Variants in SNX22 observed in about 807,000 individuals in gnomAD.
SNX22 encodes sorting nexin-22.
Under a neutral mutation model 24.7 loss-of-function variants are expected in SNX22, and 23 were observed. That is an observed-to-expected ratio of 0.93 (90% CI 0.67 to 1.32). The LOEUF is 1.32. Among genes scored for constraint, SNX22 ranks in the 40% most tolerant of loss-of-function variants. The pLI is 0.00. For synonymous variants in SNX22, 99 were observed against 104.0 expected (o/e 0.95, Z 0.29); for missense variants, 261 against 249.9 (o/e 1.04, Z -0.30).
chr15:64,153,111 G>A, intron 3 of SNX22, 134 bp from the exon 4 acceptor site: 1 of 1,126,098 alleles, frequency 8.9e-7, no homozygotes, highest in Non-Finnish European at 1.3e-6. Context: ...GAAGGGCCCT[G>A]AGCCTGGTTC....
chr15:64,154,571 T>C lies in SNX22; in HGVS notation c.*63T>C, dbSNP rs994083433. ...ATGTGCCTCTGTCCTATGAACTCCA[T>C]ATAAGGCTGGGTCCTCCTTTGGCCT... On this transcript the variant is annotated 3_prime_UTR_variant, in exon 7 of 7. Coordinates refer to ENST00000325881, the MANE Select transcript of SNX22 (RefSeq NM_024798.3). 1.3e-6 allele frequency: 2 copies of C among 1,585,990 alleles called. No homozygotes were observed.
chr15:64,153,542 T>G (rs2081502605), intron 4 of SNX22, 110 bp from the exon 5 acceptor site: 1 of 1,531,058 alleles, frequency 6.5e-7, no homozygotes, highest in Non-Finnish European at 9.0e-7. Context: ...TTGTTACAAA[T>G]AGAAGCAGTG....
intron 6 of SNX22, 61 bp downstream of exon 6, chr15:64,154,063 T>C: frequency 6.2e-7 from 1 of 1,613,858 alleles, no homozygotes; most frequent in Middle Eastern, 1.6e-4. Flanking sequence ...ATTTCTCGGC[T>C]CCTGGGACCC....
Position 64,155,510 on chromosome 15 carries a change from CAAAAAAAA to C in SNX22, c.*1019_*1026del, listed in dbSNP as rs3056904. ...GCAACATAGTGAGACCTGTCTCTAC[CAAAAAAAA>C]AAAAAAAAAAAAAAAATCAATTTAG... On this transcript the variant is annotated 3_prime_UTR_variant, in exon 7 of 7. Transcript: ENST00000325881. 0.59 allele frequency: 74,693 copies of C among 125,590 alleles called. 22,890 individuals carry two copies. The highest frequency in any genetic ancestry group is 0.79 in the East Asian group (3,904 of 4,952). The allele number at this position is 125,590 out of a possible 1,614,324, so 7.8% of individuals were successfully genotyped here.
rs1003047603 is a variant in SNX22, at chr15:64,151,814, C to G, written c.39C>G (p.Ala13=). The change falls in exon 1 of 7, where the codon GCC becomes GCG. Residue 13 remains alanine, a synonymous_variant. Transcript: ENST00000325881. The part of the protein sequence containing the change: ...EVHIPSVGPE[A]EGPRQSPEKS... ...ACATCCCGTCGGTGGGGCCCGAGGC[C>G]GAGGGGCCCAGGCAGAGCCCGGAGA... The G allele has an allele frequency of 5.9e-6, 9 of 1,537,940 alleles. No individual in the cohort carries two copies. Among genetic ancestry groups the G allele is most frequent in the Non-Finnish European group, 7.9e-6 (9 of 1,144,102 alleles).
intron 6 of SNX22, 132 bp downstream of exon 6, chr15:64,154,134 C>G (rs2140177899): frequency 6.3e-7 from 1 of 1,599,108 alleles, no homozygotes; most frequent in East Asian, 2.3e-5. Context: ...CTCCTGTCCC[C>G]TGGAGCCTGC....
chr15:64,152,067 T>A (rs1427693363), intron 1 of SNX22, 176 bp from the exon 2 acceptor site: 1 of 771,766 alleles, frequency 1.3e-6, no homozygotes, highest in South Asian at 2.2e-5. Context: ...GAGGGGCAGG[T>A]CCGCCAGCCG....
At chr15:64,152,448 C>T in intron 2 of SNX22, 122 bp downstream of exon 2, 2 of 1,267,758 alleles carry the variant, frequency 1.6e-6, no homozygotes, top group Non-Finnish European at 2.2e-6. Context: ...TCAGTCCCTG[C>T]GCAGCCGGTC....
chr15:64,154,680 G>C lies in SNX22; in HGVS notation c.*172G>C. 1 of 812,084 alleles carries C rather than the reference G, an allele frequency of 1.2e-6. No homozygotes were observed. Among genetic ancestry groups the C allele is most frequent in the Non-Finnish European group, 1.9e-6 (1 of 522,558 alleles). The allele number at this position is 812,084 out of a possible 1,614,324, so 50.3% of individuals were successfully genotyped here. A position where few individuals can be genotyped will look rare whatever the true frequency, so the allele number is the denominator to read the frequency against. ...AACTTGGCTCGCATTGGTAGCTGGA[G>C]GTGGTAGAATTTGTATGCTCTTAGA... On this transcript the variant is annotated 3_prime_UTR_variant, in exon 7 of 7. Coordinates refer to ENST00000325881, the MANE Select transcript of SNX22 (RefSeq NM_024798.3).
rs1213998417 is a variant in SNX22 at position 64,157,252 on chromosome 15, G to A, written c.*2744G>A. 2.2e-5 allele frequency: 8 copies of A among 359,910 alleles called. No homozygotes were observed. Among genetic ancestry groups the A allele is most frequent in the East Asian group, 6.2e-5 (1 of 16,090 alleles). The allele number at this position is 359,910 out of a possible 1,614,324, so 22.3% of individuals were successfully genotyped here. A position where few individuals can be genotyped will look rare whatever the true frequency, so the allele number is the denominator to read the frequency against. On this transcript the variant is annotated 3_prime_UTR_variant, in exon 7 of 7. Transcript: ENST00000325881. The surrounding 1 kb of genome is among the most constrained non-coding windows in gnomAD (Gnocchi z 4.2). The stretch of plus-strand genomic sequence containing the variant: ...AGGGACTTTGGTGGAGGGAAGTGCC[G>A]TGCAGGATGCAGGGGAGTCAACAGG...
Position 64,156,560 on chromosome 15 carries a change from T to C in SNX22, c.*2052T>C. The C allele has an allele frequency of 1.1e-6, 1 of 891,262 alleles. No homozygotes were observed. The highest frequency in any genetic ancestry group is 1.8e-5 in the Admixed American group (1 of 55,778). 55.2% of individuals were successfully genotyped at this position (891,262 alleles called of 1,614,324 possible). A position where few individuals can be genotyped will look rare whatever the true frequency, so the allele number is the denominator to read the frequency against. On this transcript the variant is annotated 3_prime_UTR_variant, in exon 7 of 7. Transcript: ENST00000325881. The surrounding 1 kb of genome is among the most constrained non-coding windows in gnomAD (Gnocchi z 6.4). ...AGGGGGCTGGAAGAATTTAGAACCT[T>C]GGAGGCATGGAGGTACAGGGTTTAT...
In SNX22 at chr15:64,156,273, G is replaced by A. The variant is rs1050842237; in HGVS notation, c.*1765G>A. On this transcript the variant is annotated 3_prime_UTR_variant, in exon 7 of 7. Transcript: ENST00000325881. The surrounding 1 kb of genome is among the most constrained non-coding windows in gnomAD (Gnocchi z 6.4). ...TGATCAACAGCACACAAAACTGGAGGCACCAAAATTCTAACAGACTCCTGG... is the reference window on the plus strand; with the variant it reads ...TGATCAACAGCACACAAAACTGGAGACACCAAAATTCTAACAGACTCCTGG... 4.2e-5 allele frequency: 52 copies of A among 1,239,170 alleles called. No homozygotes were observed. In the Admixed American group the frequency reaches 9.9e-4, roughly 23 times the overall value. The allele number at this position is 1,239,170 out of a possible 1,614,324, so 76.8% of individuals were successfully genotyped here. A position where few individuals can be genotyped will look rare whatever the true frequency, so the allele number is the denominator to read the frequency against.
chr15:64,157,476 A>AGT (rs1163323813), exon 7 of SNX22: 2 of 160,452 alleles, frequency 1.2e-5, no homozygotes, highest in Non-Finnish European at 2.8e-5. This position sits in a 1 kb window ranked among gnomAD's most constrained non-coding sequence, Gnocchi z 4.2. Context: ...GACAGCTGTG[A>AGT]GTGTGTGTGA....
At position 64,153,971 on chromosome 15, in the gene SNX22, T is replaced by C. The variant is rs1009148150; in HGVS notation, c.429T>C (p.His143=). The change falls in exon 6 of 7, where the codon CAT becomes CAC. Residue 143 remains histidine (H), a synonymous_variant. Transcript: ENST00000325881. The part of the protein sequence containing the change: ...QQHQRPVLSF[H]VDPYVCNPSP... ...ACCAGCGGCCTGTCCTGAGCTTCCA[T>C]GTGGATCCCTATGTTTGCAACCCCT... The C allele has an allele frequency of 2.5e-6, 4 of 1,613,758 alleles. No individual in the cohort carries two copies. Among genetic ancestry groups the C allele is most frequent in the South Asian group, 1.1e-5 (1 of 91,072 alleles).
At chr15:64,152,540 G>T (rs2081494517) in intron 2 of SNX22, 98 bp from the exon 3 acceptor site, 6 of 1,326,324 alleles carry the variant, frequency 4.5e-6, no homozygotes, top group South Asian at 2.5e-5. Flanking sequence ...TCCCAGTAGA[G>T]CCCGAAGGCG....
Position 64,154,804 on chromosome 15 carries a change from A to G in SNX22, c.*296A>G, listed in dbSNP as rs896912943. On this transcript the variant is annotated 3_prime_UTR_variant, in exon 7 of 7. Transcript: ENST00000325881. The stretch of plus-strand genomic sequence containing the variant: ...TGTAATCCCAGCACTTTGGGAGGCC[A>G]AGATGGGTGGATCACCTGAAGTCAG... 8 of 242,214 alleles carry G rather than the reference A, an allele frequency of 3.3e-5. No individual in the cohort carries two copies. In the East Asian group the frequency reaches 5.6e-4, roughly 17 times the overall value. The allele number at this position is 242,214 out of a possible 1,614,324, so 15.0% of individuals were successfully genotyped here.
chr15:64,156,961 C>A lies in SNX22; in HGVS notation c.*2453C>A. ...GGGCGCTGGATTGCGCCAAACCAAG[C>A]AGACATTCGGGGCCAGGACTGAGGG... On this transcript the variant is annotated 3_prime_UTR_variant, in exon 7 of 7. Transcript: ENST00000325881. The surrounding 1 kb of genome is among the most constrained non-coding windows in gnomAD (Gnocchi z 6.4). The A allele has an allele frequency of 1.3e-6, 2 of 1,586,926 alleles. No individual in the cohort carries two copies. Among genetic ancestry groups the A allele is most frequent in the Admixed American group, 1.7e-5 (1 of 59,516 alleles).
intron 2 of SNX22, 105 bp downstream of exon 2, chr15:64,152,431 T>TA: frequency 7.7e-7 from 1 of 1,295,416 alleles, no homozygotes; most frequent in African/African-American, 1.5e-5. Flanking sequence ...CCACCCCCAT[T>TA]ACTGCCTCAG....
intron 1 of SNX22, 25 bp downstream of exon 1, chr15:64,151,875 G>A (rs2081488510): frequency 6.6e-7 from 1 of 1,520,088 alleles, no homozygotes; most frequent in Non-Finnish European, 8.8e-7. Flanking sequence ...TGGATGGGGA[G>A]GGGCGCCGGG....
Sources: gnomAD v4.1 joint callset for allele counts on GRCh38, gnomAD v4.1.1 for gene constraint, Gnocchi (gnomAD v3.1) non-coding constraint, MANE v1.5 for transcripts, NCBI Gene and HGNC (gene_info 2026-07-23, HGNC 2026-07-21) for gene names.